STXBP5L: variants seen among roughly 807,000 people sequenced by gnomAD.
STXBP5L encodes the protein syntaxin-binding protein 5-like.
In STXBP5L, 65 loss-of-function variants were observed where a neutral mutation model predicts 144.5. That is an observed-to-expected ratio of 0.45 (90% CI 0.37 to 0.55). The LOEUF is 0.55. Ranked by LOEUF, STXBP5L falls within the 20% of genes least tolerant of loss-of-function variation. The probability of loss-of-function intolerance (pLI) is 0.00; values close to 1 mark genes in which losing one functional copy is unlikely to be tolerated. For synonymous variants in STXBP5L, 505 were observed against 469.6 expected (o/e 1.08, Z -0.97); for missense variants, 1,298 against 1,405.5 (o/e 0.92, Z 1.22).
chr3:120,917,636 A>C (rs926234364), intron 2 of STXBP5L, among the ~76,000 whole-genome samples: 4 of 152,064 alleles, frequency 2.6e-5, no homozygotes, highest in African/African-American at 9.7e-5. Context: ...CGAGGCTCTA[A>C]TGCACTGTGA....
intron 20 of STXBP5L, among the ~76,000 whole-genome samples, chr3:121,345,191 GA>G (rs2044906687): frequency 6.6e-6 from 1 of 151,942 alleles, no homozygotes; most frequent in African/African-American, 2.4e-5. Context: ...CCCCGTGTGT[GA>G]TGTTCCTCAC....
chr3:121,315,187 T>G (rs1304138144), intron 19 of STXBP5L, among the ~76,000 whole-genome samples: 1 of 152,178 alleles, frequency 6.6e-6, no homozygotes, highest in Non-Finnish European at 1.5e-5. Context: ...CATGCACACG[T>G]ATGTTTACTG....
At chr3:121,304,251 C>G (rs372874544) in intron 19 of STXBP5L, among the ~76,000 whole-genome samples, 6 of 151,960 alleles carry the variant, frequency 3.9e-5, no homozygotes, top group East Asian at 1.9e-4. Context: ...CAAAAACTGT[C>G]AAAACTAGAA....
At chr3:121,290,250 G>A (rs1011183507) in intron 19 of STXBP5L, among the ~76,000 whole-genome samples, 1 of 151,782 alleles carries the variant, frequency 6.6e-6, no homozygotes, top group Non-Finnish European at 1.5e-5. Flanking sequence ...AATACAAAAG[G>A]TCATTCAAGA....
intron 19 of STXBP5L, among the ~76,000 whole-genome samples, chr3:121,317,149 A>G (rs1041970467): frequency 1.5e-4 from 23 of 152,228 alleles, no homozygotes. Flanking sequence ...TATGTGTACT[A>G]TGATTACAAA....
At chr3:121,215,517 G>A (rs928987441) in intron 10 of STXBP5L, among the ~76,000 whole-genome samples, 6 of 152,122 alleles carry the variant, frequency 3.9e-5, no homozygotes, top group South Asian at 4.2e-4. Context: ...CTTTAATAGT[G>A]TTGAATATTG....
intron 3 of STXBP5L, among the ~76,000 whole-genome samples, chr3:120,987,613 T>C (rs1266460811): frequency 6.6e-6 from 1 of 151,896 alleles, no homozygotes; most frequent in Admixed American, 6.6e-5. Context: ...AGAGGACGGC[T>C]TATCAGTTTT....
chr3:121,198,009 C>T (rs1247844273), intron 9 of STXBP5L, among the ~76,000 whole-genome samples: 1 of 151,986 alleles, frequency 6.6e-6, no homozygotes, highest in African/African-American at 2.4e-5. Context: ...GGATATATAC[C>T]CAGGAGTGGG....
intron 3 of STXBP5L, among the ~76,000 whole-genome samples, chr3:121,031,857 A>C (rs1178102074): frequency 6.6e-6 from 1 of 152,118 alleles, no homozygotes. Context: ...ATTGACTAAC[A>C]TAATATGCTG....
chr3:121,229,885 G>C (rs1398757514), intron 11 of STXBP5L, among the ~76,000 whole-genome samples: 6 of 152,110 alleles, frequency 3.9e-5, no homozygotes, highest in Non-Finnish European at 2.9e-5. Context: ...AGAAAAACGT[G>C]TTTCCCTATA....
intron 10 of STXBP5L, among the ~76,000 whole-genome samples, chr3:121,207,342 T>A (rs1272810550): frequency 6.6e-6 from 1 of 151,870 alleles, no homozygotes; most frequent in Non-Finnish European, 1.5e-5. Flanking sequence ...CACGGTGGAT[T>A]AAAGACTTAA....
intron 2 of STXBP5L, among the ~76,000 whole-genome samples, chr3:120,931,201 G>A (rs771783583): frequency 3.3e-5 from 5 of 151,862 alleles, no homozygotes; most frequent in East Asian, 1.9e-4. Context: ...AAAGAAACAC[G>A]AATTAGATAT....
Position 120,909,568 on chromosome 3 carries a change from C to A in STXBP5L, c.-8-3C>A. Reference sequence around the variant, plus strand: ...CCTTTTTTTCCTTTGTATTTCTCAACAGTGTTTAAAATGAAGAAGTTTAAT... The same window carrying A: ...CCTTTTTTTCCTTTGTATTTCTCAAAAGTGTTTAAAATGAAGAAGTTTAAT... On this transcript the variant is annotated splice_region_variant and splice_polypyrimidine_tract_variant and intron_variant, in intron 1 of 26. Coordinates refer to ENST00000471454, the MANE Select transcript of STXBP5L (RefSeq NM_001308330.2). The A allele has an allele frequency of 6.2e-7, 1 of 1,610,168 alleles. No individual in the cohort carries two copies. The highest frequency in any genetic ancestry group is 1.7e-5 in the Admixed American group (1 of 59,256).
intron 3 of STXBP5L, among the ~76,000 whole-genome samples, chr3:121,004,597 A>T (rs1944103337): frequency 6.6e-6 from 1 of 151,822 alleles, no homozygotes; most frequent in South Asian, 2.1e-4. Context: ...GTTGAATAGG[A>T]GTGGTGAGAG....
At chr3:121,112,380 C>T (rs1168196172) in intron 5 of STXBP5L, among the ~76,000 whole-genome samples, 2 of 152,166 alleles carry the variant, frequency 1.3e-5, no homozygotes, top group Non-Finnish European at 2.9e-5. Flanking sequence ...CCTTGCTTGG[C>T]TGGGAGTGGG....
At chr3:121,053,883 A>G (rs1297213095) in intron 5 of STXBP5L, among the ~76,000 whole-genome samples, 1 of 152,188 alleles carries the variant, frequency 6.6e-6, no homozygotes, top group Admixed American at 6.5e-5. Flanking sequence ...AACTCAAACA[A>G]ATTTACAAGA....
intron 19 of STXBP5L, among the ~76,000 whole-genome samples, chr3:121,302,873 A>C (rs1435955732): frequency 2.0e-5 from 3 of 152,202 alleles, no homozygotes; most frequent in African/African-American, 7.2e-5. Flanking sequence ...CTTATACAAA[A>C]ATTAATTCAA....
chr3:120,925,705 A>G lies in STXBP5L; in HGVS notation c.189+15938A>G, dbSNP rs533890335. The stretch of plus-strand genomic sequence containing the variant: ...ATTGCATGTTTTCTGGTTCTTTTGT[A>G]ACTCTTTTCTTCATTTCTTCCTTTC... On this transcript the variant is annotated intron_variant, in intron 2 of 26. Coordinates refer to ENST00000471454, the MANE Select transcript of STXBP5L (RefSeq NM_001308330.2). Among the ~76,000 whole-genome samples, 3 of 152,206 alleles carry G rather than the reference A, an allele frequency of 2.0e-5. No individual in the cohort carries two copies. In the South Asian group the frequency reaches 6.2e-4, roughly 32 times the overall value.
At position 121,040,523 on chromosome 3, in the gene STXBP5L, A is replaced by G. The variant is rs576931415; in HGVS notation, c.288-1177A>G. ...TGGTTTGTTCTTTCCTCAGTCTCAG[A>G]TAGTTTCTTCAAACTTATTCCTTCC... On this transcript the variant is annotated intron_variant, in intron 3 of 26. Coordinates refer to ENST00000471454, the MANE Select transcript of STXBP5L (RefSeq NM_001308330.2). Among the ~76,000 whole-genome samples, 7 of 152,194 alleles carry G rather than the reference A, an allele frequency of 4.6e-5. No homozygotes were observed. The South Asian group carries it at 1.5e-3, about 32-fold the overall frequency.
Sources: allele counts gnomAD v4.1 joint callset (sites outside exome capture counted in the v4.1 genomes callset), GRCh38; gene constraint gnomAD v4.1.1; transcripts MANE v1.5; gene names NCBI Gene and HGNC (gene_info 2026-07-23, HGNC 2026-07-21).